Variants in AKT3 observed in about 807,000 individuals in gnomAD.
The protein encoded by AKT3 is RAC-gamma serine/threonine-protein kinase.
Under a neutral mutation model 65.3 loss-of-function variants are expected in AKT3, and 15 were observed. The ratio of observed to expected loss-of-function variants is 0.23; its 90% CI spans 0.15 to 0.35. AKT3 has a LOEUF of 0.35. Ranked by LOEUF, AKT3 falls within the 10% of genes least tolerant of loss-of-function variation. AKT3 has a pLI of 1.00. For missense variants in AKT3, 243 were observed against 576.5 expected (o/e 0.42, Z 5.92); for synonymous variants, 206 against 183.8 (o/e 1.12, Z -0.98).
At chr1:243,531,549 T>C (rs947960651) in intron 12 of AKT3, among the ~76,000 whole-genome samples, 2 of 152,208 alleles carry the variant, frequency 1.3e-5, no homozygotes, top group Admixed American at 1.3e-4. Flanking sequence ...GTTTTTGTAG[T>C]ACGGTATTCT....
chr1:243,574,318 A>G (rs904586676), intron 8 of AKT3, among the ~76,000 whole-genome samples: 2 of 151,810 alleles, frequency 1.3e-5, no homozygotes, highest in African/African-American at 4.8e-5. Flanking sequence ...TGGCATAGTA[A>G]ACAGAGAGAG....
intron 8 of AKT3, among the ~76,000 whole-genome samples, chr1:243,591,338 T>C (rs1346037675): frequency 6.6e-6 from 1 of 152,210 alleles, no homozygotes; most frequent in African/African-American, 2.4e-5. Context: ...ACTGCCTCAA[T>C]AGTGCAGCCG....
chr1:243,646,609 C>T (rs1481755173), intron 4 of AKT3, among the ~76,000 whole-genome samples: 2 of 152,140 alleles, frequency 1.3e-5, no homozygotes, highest in Non-Finnish European at 2.9e-5. Context: ...TCCGCCATGG[C>T]CTCCCAAAGT....
At chr1:243,701,402 GTACTGGTTGAGAA>G (rs777448301) in intron 2 of AKT3, among the ~76,000 whole-genome samples, 25 of 152,078 alleles carry the variant, frequency 1.6e-4, no homozygotes, top group Non-Finnish European at 3.5e-4. Flanking sequence ...AGTGAGCTGG[GTACTGGTTGAGAA>G]TACTGCAGAA....
intron 13 of AKT3, among the ~76,000 whole-genome samples, chr1:243,510,960 G>T (rs1243491416): frequency 6.6e-6 from 1 of 152,258 alleles, no homozygotes; most frequent in African/African-American, 2.4e-5. Flanking sequence ...CTATGCTGGG[G>T]ACAGAGGCCA....
rs200663675 is a variant in AKT3 at position 243,787,426 on chromosome 1, G to A, written c.46+55699C>T. ...TCTTTATTCAGTGACTGCCAGTTGA[G>A]GAAATTTGAGATATAGCTGTTTCCT... On this transcript the variant is annotated intron_variant, in intron 2 of 13. Coordinates refer to ENST00000673466, the MANE Select transcript of AKT3 (RefSeq NM_005465.7). Among the ~76,000 whole-genome samples the A allele has an allele frequency of 2.0e-5, 3 of 152,098 alleles. No individual in the cohort carries two copies. In the East Asian group the frequency reaches 5.8e-4, roughly 29 times the overall value.
chr1:243,596,682 A>G (rs1358175731), intron 8 of AKT3, among the ~76,000 whole-genome samples: 1 of 152,210 alleles, frequency 6.6e-6, no homozygotes, highest in Non-Finnish European at 1.5e-5. Flanking sequence ...GTAAAATGTA[A>G]GCATATGCTT....
At chr1:243,591,959 T>G (rs1439764062) in intron 8 of AKT3, among the ~76,000 whole-genome samples, 1 of 151,848 alleles carries the variant, frequency 6.6e-6, no homozygotes, top group Non-Finnish European at 1.5e-5. Flanking sequence ...GAGAAATGAG[T>G]AACAAAATAC....
chr1:243,638,143 G>C (rs1680112293), intron 5 of AKT3, among the ~76,000 whole-genome samples: 1 of 152,140 alleles, frequency 6.6e-6, no homozygotes, highest in African/African-American at 2.4e-5. Flanking sequence ...AAAAAGCAGT[G>C]CTTTGGAAGG....
intron 2 of AKT3, chr1:243,818,106 C>G (rs1693636218): frequency 6.6e-6 from 1 of 152,214 alleles, no homozygotes; most frequent in African/African-American, 2.4e-5. Flanking sequence ...GATCACTCCC[C>G]TAACTTTCTA....
rs562421679 is a variant in AKT3, at chr1:243,728,165, C to T, written c.47-32449G>A. 5.6e-4 allele frequency among the ~76,000 whole-genome samples: 86 copies of T among 152,268 alleles called. 4 individuals carry two copies. In the South Asian group the frequency reaches 0.017, roughly 31 times the overall value. ...TTCATCACAGCAAACTCCTGAAACA[C>T]GCATCAACGATTCAATAGAAAGCCC... On this transcript the variant is annotated intron_variant, in intron 2 of 13. Transcript: ENST00000673466.
chr1:243,501,405 C>T lies in AKT3; in HGVS notation c.*3844G>A, dbSNP rs1399350015. The T allele has an allele frequency of 4.3e-6, 1 of 233,102 alleles. No homozygotes were observed. The highest frequency in any genetic ancestry group is 8.5e-6 in the Non-Finnish European group (1 of 118,026). 14.4% of individuals were successfully genotyped at this position (233,102 alleles called of 1,614,324 possible). A position where few individuals can be genotyped will look rare whatever the true frequency, so the allele number is the denominator to read the frequency against. Reference sequence around the variant, plus strand: ...AGCTACATTCCTTCAGATTCTGGGTCCAAACCGTGTGTTGTATAGATGATT... The same window carrying T: ...AGCTACATTCCTTCAGATTCTGGGTTCAAACCGTGTGTTGTATAGATGATT... On this transcript the variant is annotated 3_prime_UTR_variant, in exon 14 of 14. Transcript: ENST00000673466.
chr1:243,572,909 T>G lies in AKT3; in HGVS notation c.819+17A>C. 1.1e-5 allele frequency: 1 copy of G among 94,236 alleles called. No homozygotes were observed. Among genetic ancestry groups the G allele is most frequent in the Non-Finnish European group, 2.0e-5 (1 of 49,212 alleles). 5.8% of individuals were successfully genotyped at this position (94,236 alleles called of 1,614,324 possible). A position where few individuals can be genotyped will look rare whatever the true frequency, so the allele number is the denominator to read the frequency against. The stretch of plus-strand genomic sequence containing the variant: ...CTCTGCAAAAACAAATTTTGATTAC[T>G]TTTTTTTTTTTTTTACCTTGAGATC... On this transcript the variant is annotated intron_variant, in intron 9 of 13. Transcript: ENST00000673466.
In AKT3 at chr1:243,555,313, A is replaced by G. The variant is rs185743289; in HGVS notation, c.949-2370T>C. Among the ~76,000 whole-genome samples the G allele has an allele frequency of 3.1e-3, 468 of 152,316 alleles. 2 individuals are homozygous for G. The highest frequency in any genetic ancestry group is 0.011 in the African/African-American group (438 of 41,576). On this transcript the variant is annotated intron_variant, in intron 10 of 13. Transcript: ENST00000673466. ...GTCCAAATCCTATCTCCAAACAGCT[A>G]TAAGATGAAACATACATAAATAATG...
At chr1:243,593,271 A>C (rs569020291) in intron 8 of AKT3, among the ~76,000 whole-genome samples, 1 of 152,352 alleles carries the variant, frequency 6.6e-6, no homozygotes, top group Non-Finnish European at 1.5e-5. Context: ...GTAAAAACTT[A>C]ACAAAACTTC....
intron 3 of AKT3, among the ~76,000 whole-genome samples, chr1:243,681,228 T>C (rs1379657185): frequency 2.0e-5 from 3 of 152,034 alleles, no homozygotes; most frequent in Non-Finnish European, 4.4e-5. Flanking sequence ...AACACACACA[T>C]ATATGTGTAT....
intron 2 of AKT3, among the ~76,000 whole-genome samples, chr1:243,780,978 A>C (rs1690871840): frequency 1.3e-5 from 2 of 152,128 alleles, no homozygotes; most frequent in South Asian, 4.1e-4. Context: ...AAAATGTTTT[A>C]AATTTGTTTT....
chr1:243,627,379 T>A (rs1679255644), intron 6 of AKT3, among the ~76,000 whole-genome samples: 1 of 152,098 alleles, frequency 6.6e-6, no homozygotes, highest in African/African-American at 2.4e-5. Context: ...TTGAAAATAC[T>A]TTTTTCTTGG....
intron 2 of AKT3, among the ~76,000 whole-genome samples, chr1:243,777,419 G>T (rs1365675357): frequency 1.7e-4 from 26 of 152,160 alleles, no homozygotes; most frequent in Admixed American, 1.6e-3. Flanking sequence ...GGGTGTTGGG[G>T]ACCCCTGCAC....
Sources: allele counts gnomAD v4.1 joint callset (sites outside exome capture counted in the v4.1 genomes callset), GRCh38; gene constraint gnomAD v4.1.1; transcripts MANE v1.5; gene names NCBI Gene and HGNC (gene_info 2026-07-23, HGNC 2026-07-21).